Variants in SLC39A10 observed in about 807,000 individuals in gnomAD.
SLC39A10 encodes the protein zinc transporter ZIP10.
SLC39A10 carries 13 observed loss-of-function variants against 65.1 expected under a neutral mutation model. That is an observed-to-expected ratio of 0.20 (90% CI 0.13 to 0.32). The LOEUF (loss-of-function observed/expected upper bound fraction) is 0.32, where lower values mean the gene tolerates loss of function less well. SLC39A10 is among the 10% of genes least tolerant of loss of function. The pLI, the probability that SLC39A10 is intolerant of heterozygous loss-of-function variation, is 1.00. For synonymous variants in SLC39A10, 321 were observed against 342.2 expected (o/e 0.94, Z 0.68); for missense variants, 831 against 1,018.4 (o/e 0.82, Z 2.50).
At chr2:195,650,903 C>T (rs1689016189) in intron 2 of SLC39A10, among the ~76,000 whole-genome samples, 1 of 124,356 alleles carries the variant, frequency 8.0e-6, no homozygotes, top group Non-Finnish European at 1.6e-5. Context: ...AATTTTTGCT[C>T]TTTAGAAAGG....
At position 195,642,923 on chromosome 2, in the gene SLC39A10, C is replaced by G. The variant is rs1165399815; in HGVS notation, c.-12+36690C>G. Among the ~76,000 whole-genome samples, 6 of 152,212 alleles carry G rather than the reference C, an allele frequency of 3.9e-5. No homozygotes were observed. In the East Asian group the frequency reaches 9.6e-4, roughly 24 times the overall value. ...AGCCACTAGAGAGGTTAATGAAAAACCAAAAGTCCTGTCTGCTATTAAAGT... is the reference window on the plus strand; with the variant it reads ...AGCCACTAGAGAGGTTAATGAAAAAGCAAAAGTCCTGTCTGCTATTAAAGT... On this transcript the variant is annotated intron_variant, in intron 2 of 2. Coordinates refer to the SLC39A10 transcript ENST00000458054.
chr2:195,724,922 G>A (rs1692181033), intron 8 of SLC39A10, among the ~76,000 whole-genome samples: 1 of 152,140 alleles, frequency 6.6e-6, no homozygotes. Flanking sequence ...GTTGGAATTG[G>A]TGAAAGAGTA....
intron 2 of SLC39A10, among the ~76,000 whole-genome samples, chr2:195,624,431 A>G (rs986495649): frequency 2.7e-5 from 4 of 150,874 alleles, no homozygotes; most frequent in African/African-American, 9.8e-5. Flanking sequence ...CCTAAAAACA[A>G]GACAAAAAAA....
intron 2 of SLC39A10, among the ~76,000 whole-genome samples, chr2:195,636,602 A>G (rs1289191104): frequency 1.3e-5 from 2 of 152,040 alleles, no homozygotes; most frequent in Non-Finnish European, 2.9e-5. Context: ...AAACAAAAAA[A>G]ATTAGTTGGG....
At chr2:195,714,938 G>A (rs1442644180) in intron 6 of SLC39A10, among the ~76,000 whole-genome samples, 1 of 151,884 alleles carries the variant, frequency 6.6e-6, no homozygotes, top group Non-Finnish European at 1.5e-5. Flanking sequence ...GTTTTTAGTA[G>A]AGATGGGGTT....
At position 195,714,083 on chromosome 2, in the gene SLC39A10, C is replaced by T. The variant is rs563471969; in HGVS notation, c.1696+530C>T. Among the ~76,000 whole-genome samples the T allele has an allele frequency of 5.3e-5, 8 of 152,194 alleles. No homozygotes were observed. The South Asian group carries it at 1.5e-3, about 28-fold the overall frequency. Reference sequence around the variant, plus strand: ...ATGGGACTACAGGCGCCCACCACCACGCCTGGCTAATTTTTTTCTTTGTAT... The same window carrying T: ...ATGGGACTACAGGCGCCCACCACCATGCCTGGCTAATTTTTTTCTTTGTAT... On this transcript the variant is annotated intron_variant, in intron 6 of 9. Coordinates refer to ENST00000359634, the MANE Select transcript of SLC39A10 (RefSeq NM_020342.3).
chr2:195,658,012 G>T (rs1689229090), intron 1 of SLC39A10: 1 of 152,502 alleles, frequency 6.6e-6, no homozygotes, highest in Non-Finnish European at 1.5e-5. Flanking sequence ...GGGACAGGCC[G>T]GGTGGGCCGG....
intron 1 of SLC39A10, among the ~76,000 whole-genome samples, chr2:195,660,006 T>TA (rs1689322056): frequency 6.6e-6 from 1 of 152,186 alleles, no homozygotes; most frequent in Non-Finnish European, 1.5e-5. Flanking sequence ...TTCTAATTTA[T>TA]AATAACATGT....
chr2:195,657,218 G>A (rs1574227436), upstream of SLC39A10: 4 of 211,694 alleles, frequency 1.9e-5, no homozygotes, highest in African/African-American at 9.4e-5. Flanking sequence ...GTGAATACAC[G>A]ATTTGGTGCA....
Position 195,716,932 on chromosome 2 carries a change from A to G in SLC39A10, c.1992A>G (p.Thr664=), listed in dbSNP as rs537119494. ...ATTCTGGATCCGATCTGAAAGAAAC[A>G]GGAATAGCTAATATAGCCTGGATGG... ...PCHSGSDLKE[T]GIANIAWMVI... is the part of the protein sequence containing the mutation. The change falls in exon 7 of 10, where the codon ACA becomes ACG. Residue 664 remains threonine (T), a synonymous_variant. Coordinates refer to ENST00000359634, the MANE Select transcript of SLC39A10 (RefSeq NM_020342.3). The G allele has an allele frequency of 1.4e-5, 22 of 1,614,244 alleles. No homozygotes were observed. The South Asian group carries it at 2.1e-4, about 15-fold the overall frequency.
chr2:195,658,951 T>C (rs550114387), intron 1 of SLC39A10, among the ~76,000 whole-genome samples: 59 of 152,346 alleles, frequency 3.9e-4, no homozygotes, highest in Admixed American at 1.6e-3. Flanking sequence ...AAACCAGTTA[T>C]GAAATAATGA....
At chr2:195,614,212 A>G (rs903974692) in intron 2 of SLC39A10, among the ~76,000 whole-genome samples, 1 of 152,254 alleles carries the variant, frequency 6.6e-6, no homozygotes, top group Admixed American at 6.5e-5. Context: ...CATCTGATAC[A>G]TAGTAGGAGC....
chr2:195,680,304 A>G lies in SLC39A10; in HGVS notation c.262A>G (p.Asn88Asp). 1.2e-6 allele frequency: 2 copies of G among 1,614,148 alleles called. No homozygotes were observed. The highest frequency in any genetic ancestry group is 1.7e-6 in the Non-Finnish European group (2 of 1,180,024). The change falls in exon 2 of 10, where the codon AAC becomes GAC. Residue 88 changes from asparagine to aspartate, a missense_variant. By Grantham distance (23) the Asn-to-Asp change is conservative. Around this residue, in one of 4 missense-constraint regions of SLC39A10, gnomAD observed 446 missense variants for 499.2 expected, o/e 0.89. Coordinates refer to ENST00000359634, the MANE Select transcript of SLC39A10 (RefSeq NM_020342.3). ...SFFGLEKLLT[N>D]LGLGERKVVE... Reference sequence around the variant, plus strand: ...TTTTGGTTTGGAGAAACTTTTAACAAACTTGGGCCTTGGAGAGAGAAAAGT... The same window carrying G: ...TTTTGGTTTGGAGAAACTTTTAACAGACTTGGGCCTTGGAGAGAGAAAAGT...
In SLC39A10 at chr2:195,647,693, T is replaced by TCCA. The variant is rs61694088; in HGVS notation, c.-11-32313_-11-32311dup. On this transcript the variant is annotated intron_variant, in intron 2 of 2. Transcript: ENST00000458054. ...ACTGTAATTATCTCTTTAATTACCA[T>TCCA]CCACCACCACCACCACCACCACCAC... Among the ~76,000 whole-genome samples, 8 of 149,744 alleles carry TCCA rather than the reference T, an allele frequency of 5.3e-5. No homozygotes were observed. In the East Asian group the frequency reaches 1.0e-3, roughly 19 times the overall value.
chr2:195,669,928 A>G (rs1689786814), intron 1 of SLC39A10, among the ~76,000 whole-genome samples: 2 of 152,212 alleles, frequency 1.3e-5, no homozygotes, highest in African/African-American at 4.8e-5. Flanking sequence ...TGGGAGGCCA[A>G]GGCGGGTGGA....
At chr2:195,694,942 C>T (rs1470193505) in intron 3 of SLC39A10, among the ~76,000 whole-genome samples, 2 of 152,232 alleles carry the variant, frequency 1.3e-5, no homozygotes, top group Admixed American at 1.3e-4. Context: ...CAGGGTTTTA[C>T]TGAGTGAAAG....
intron 5 of SLC39A10, among the ~76,000 whole-genome samples, chr2:195,709,149 C>T (rs1008672765): frequency 6.6e-6 from 1 of 152,004 alleles, no homozygotes; most frequent in African/African-American, 2.4e-5. Context: ...CCCAGCCTCC[C>T]GAGTAGCTGG....
intron 2 of SLC39A10, among the ~76,000 whole-genome samples, chr2:195,643,557 T>C (rs1688851018): frequency 6.6e-6 from 1 of 152,188 alleles, no homozygotes; most frequent in Admixed American, 6.5e-5. Flanking sequence ...CTTCTACTAG[T>C]AATTGAATGG....
chr2:195,663,476 T>A lies in SLC39A10; in HGVS notation c.-12+6195T>A, dbSNP rs574473748. Reference sequence around the variant, plus strand: ...CAATACATGGTGTGTTACTACATTATAAAATGAGATCAGTAAAACAATGTA... The same window carrying A: ...CAATACATGGTGTGTTACTACATTAAAAAATGAGATCAGTAAAACAATGTA... On this transcript the variant is annotated intron_variant, in intron 1 of 9. Transcript: ENST00000359634. 1.7e-3 allele frequency among the ~76,000 whole-genome samples: 252 copies of A among 151,888 alleles called. 1 individual carries two copies. The Middle Eastern group carries it at 0.017, about 10-fold the overall frequency.
Sources: gnomAD v4.1 joint callset for allele counts (sites outside exome capture counted in the v4.1 genomes callset) on GRCh38, gnomAD v4.1.1 for gene constraint, gnomAD v4.1.1 regional missense constraint, MANE v1.5 for transcripts, NCBI Gene and HGNC (gene_info 2026-07-23, HGNC 2026-07-21) for gene names.